Variants in MACROD2 observed in about 807,000 individuals in gnomAD.
MACROD2 encodes the protein ADP-ribose glycohydrolase MACROD2.
MACROD2 carries 36 observed loss-of-function variants against 70.4 expected under a neutral mutation model. The ratio of observed to expected loss-of-function variants is 0.51; its 90% CI spans 0.39 to 0.68. The LOEUF (loss-of-function observed/expected upper bound fraction) is 0.68. MACROD2 is among the 30% of genes least tolerant of loss of function. The pLI is 0.00. For synonymous variants in MACROD2, 172 were observed against 178.8 expected (o/e 0.96, Z 0.30); for missense variants, 496 against 538.4 (o/e 0.92, Z 0.78).
At chr20:14,177,593 G>C (rs111349761) in intron 3 of MACROD2, among the ~76,000 whole-genome samples, 4,069 of 152,212 alleles carry the variant, frequency 0.027, 53 homozygotes, top group Non-Finnish European at 0.032. Context: ...TGGGATTGCA[G>C]GTGTGAGCCA....
At chr20:15,486,828 C>A (rs1325206391) in intron 7 of MACROD2, among the ~76,000 whole-genome samples, 1 of 152,196 alleles carries the variant, frequency 6.6e-6, no homozygotes, top group African/African-American at 2.4e-5. Context: ...AGCATTAGTT[C>A]TCACTCAATG....
At chr20:14,790,149 C>T (rs2072432037) in intron 5 of MACROD2, among the ~76,000 whole-genome samples, 1 of 151,884 alleles carries the variant, frequency 6.6e-6, no homozygotes, top group African/African-American at 2.4e-5. Flanking sequence ...ATAAACACTT[C>T]TTATTTGTTT....
intron 5 of MACROD2, among the ~76,000 whole-genome samples, chr20:15,103,009 AAT>A (rs2075884918): frequency 6.6e-6 from 1 of 152,188 alleles, no homozygotes; most frequent in African/African-American, 2.4e-5. Flanking sequence ...TTTAGACATA[AAT>A]ATATGTTTAA....
chr20:15,513,824 T>A (rs1222955995), intron 8 of MACROD2, among the ~76,000 whole-genome samples: 3 of 152,206 alleles, frequency 2.0e-5, no homozygotes, highest in Admixed American at 1.3e-4. Context: ...TACAGTCATG[T>A]GCCACATAAT....
intron 5 of MACROD2, among the ~76,000 whole-genome samples, chr20:14,789,971 A>G (rs1265756867): frequency 2.0e-5 from 3 of 152,138 alleles, no homozygotes; most frequent in African/African-American, 7.2e-5. Context: ...TGCATTTTCT[A>G]TTAGAAAAAT....
At chr20:14,791,041 G>A (rs927272324) in intron 5 of MACROD2, among the ~76,000 whole-genome samples, 2 of 152,070 alleles carry the variant, frequency 1.3e-5, no homozygotes, top group South Asian at 4.1e-4. Context: ...CAGGGCAGCC[G>A]CAGGGTCTGC....
At chr20:14,902,481 C>G (rs6135303) in intron 5 of MACROD2, among the ~76,000 whole-genome samples, 10,832 of 152,206 alleles carry the variant, frequency 0.071, 537 homozygotes, top group East Asian at 0.23. Context: ...CTGAGGCATT[C>G]TTTCAGAAAA....
At position 14,640,197 on chromosome 20, in the gene MACROD2, G is replaced by A. The variant is rs1415945048; in HGVS notation, c.302-44646G>A. 2.6e-5 allele frequency among the ~76,000 whole-genome samples: 4 copies of A among 152,260 alleles called. No homozygotes were observed. In the East Asian group the frequency reaches 7.7e-4, roughly 29 times the overall value. ...TATTTTAACACATTAAATAACAACAGCTAACAACAGGTCAAAAAATCACTG... is the reference window on the plus strand; with the variant it reads ...TATTTTAACACATTAAATAACAACAACTAACAACAGGTCAAAAAATCACTG... On this transcript the variant is annotated intron_variant, in intron 4 of 17. Transcript: ENST00000684519.
At chr20:15,820,350 C>A (rs2063926453) in intron 8 of MACROD2, among the ~76,000 whole-genome samples, 1 of 152,032 alleles carries the variant, frequency 6.6e-6, no homozygotes, top group Non-Finnish European at 1.5e-5. Context: ...ACCACCACAC[C>A]CAGCTAATTT....
At chr20:14,183,883 G>A (rs2081324530) in intron 3 of MACROD2, among the ~76,000 whole-genome samples, 1 of 151,958 alleles carries the variant, frequency 6.6e-6, no homozygotes, top group African/African-American at 2.4e-5. Flanking sequence ...TAATGGGGTT[G>A]TTTACTTTTT....
intron 8 of MACROD2, among the ~76,000 whole-genome samples, chr20:15,860,382 T>G (rs1455668039): frequency 1.3e-5 from 2 of 152,190 alleles, no homozygotes. Flanking sequence ...TTTTGATTTT[T>G]TGATCGGTTG....
intron 10 of MACROD2, among the ~76,000 whole-genome samples, chr20:15,895,845 T>C (rs2064963578): frequency 6.6e-6 from 1 of 152,240 alleles, no homozygotes; most frequent in Non-Finnish European, 1.5e-5. Context: ...TTGAACCGCA[T>C]TGAGGTGCAT....
chr20:15,044,935 A>G (rs2075381682), intron 5 of MACROD2, among the ~76,000 whole-genome samples: 1 of 152,212 alleles, frequency 6.6e-6, no homozygotes, highest in African/African-American at 2.4e-5. Flanking sequence ...TTGTCTAAAA[A>G]TACATTCAAT....
chr20:15,080,010 T>C (rs1461212009), intron 5 of MACROD2, among the ~76,000 whole-genome samples: 1 of 152,066 alleles, frequency 6.6e-6, no homozygotes, highest in East Asian at 1.9e-4. Flanking sequence ...CCCATACACT[T>C]ACCCTGGATC....
intron 3 of MACROD2, among the ~76,000 whole-genome samples, chr20:14,304,971 G>GGA (rs2082507565): frequency 6.6e-6 from 1 of 152,070 alleles, no homozygotes; most frequent in Non-Finnish European, 1.5e-5. Context: ...TTTCAGTCTT[G>GGA]ACTATATATT....
intron 5 of MACROD2, among the ~76,000 whole-genome samples, chr20:15,185,563 C>G (rs1263095460): frequency 6.6e-6 from 1 of 152,124 alleles, no homozygotes; most frequent in East Asian, 1.9e-4. Context: ...CTTAGGAACT[C>G]TTTAAAGGAA....
intron 4 of MACROD2, among the ~76,000 whole-genome samples, chr20:14,527,876 G>C (rs993526603): frequency 5.3e-5 from 8 of 152,100 alleles, no homozygotes; most frequent in African/African-American, 1.4e-4. Context: ...CCACTTAAAG[G>C]TCAATTATTT....
intron 4 of MACROD2, among the ~76,000 whole-genome samples, chr20:14,514,472 C>A (rs2085068402): frequency 6.6e-6 from 1 of 152,058 alleles, no homozygotes; most frequent in Non-Finnish European, 1.5e-5. Context: ...GCCACAAGAT[C>A]AAAAAGAGTA....
At chr20:14,888,577 A>G (rs2073710572) in intron 5 of MACROD2, 1 of 152,202 alleles carries the variant, frequency 6.6e-6, no homozygotes, top group Non-Finnish European at 1.5e-5. Context: ...CCAGAGGGAC[A>G]TGCAACCCAA....
Sources: allele counts gnomAD v4.1 joint callset (sites outside exome capture counted in the v4.1 genomes callset), GRCh38; gene constraint gnomAD v4.1.1; transcripts MANE v1.5; gene names NCBI Gene and HGNC (gene_info 2026-07-23, HGNC 2026-07-21).